The following SBF2 variants were observed in gnomAD, a reference collection of about 807,000 sequenced individuals.
The protein encoded by SBF2 is SET binding factor 2.
In SBF2, 112 loss-of-function variants were observed where a neutral mutation model predicts 225.2. The observed-to-expected ratio is 0.50, with a 90% CI of 0.43 to 0.58. The LOEUF is 0.58. Ranked by LOEUF, SBF2 falls within the 20% of genes least tolerant of loss-of-function variation. The pLI is 0.00. For synonymous variants in SBF2, 763 were observed against 773.3 expected, an observed-to-expected ratio of 0.99 and a Z score of 0.22; for missense variants, 1,996 against 2,206.2, an observed-to-expected ratio of 0.90 and a Z score of 1.91.
chr11:9,844,846 A>G (rs752641225), intron 24 of SBF2, among the ~76,000 whole-genome samples: 2 of 152,216 alleles, frequency 1.3e-5, no homozygotes, highest in Admixed American at 1.3e-4. Context: ...ACCATGGCAC[A>G]TGTATACCTA....
chr11:10,056,033 C>A (rs755664289), intron 2 of SBF2, among the ~76,000 whole-genome samples: 3 of 151,924 alleles, frequency 2.0e-5, no homozygotes, highest in Non-Finnish European at 2.9e-5. Flanking sequence ...TTTGAAAAAA[C>A]AAAACAGAAA....
chr11:10,194,061 T>C (rs1957278604), intron 1 of SBF2, 74 bp from the exon 2 acceptor site: 3 of 969,804 alleles, frequency 3.1e-6, no homozygotes, highest in African/African-American at 3.3e-5. Context: ...CTCTTACTTA[T>C]TTCTAAATGA....
At chr11:10,177,644 A>C (rs1956528875) in intron 2 of SBF2, among the ~76,000 whole-genome samples, 1 of 151,806 alleles carries the variant, frequency 6.6e-6, no homozygotes, top group Admixed American at 6.6e-5. Context: ...AGGGATGTGA[A>C]GGACCTCTCC....
intron 1 of SBF2, among the ~76,000 whole-genome samples, chr11:10,280,081 C>T (rs10734653): frequency 0.97 from 148,130 of 152,290 alleles, 72,196 homozygotes; most frequent in East Asian, 1. Context: ...ACTGGTTGAG[C>T]ATCCCTAATT....
chr11:10,290,347 C>G (rs1270843577), intron 1 of SBF2, among the ~76,000 whole-genome samples: 1 of 152,000 alleles, frequency 6.6e-6, no homozygotes, highest in Non-Finnish European at 1.5e-5. Context: ...GCAAAGGGCA[C>G]TGGGGTACAA....
chr11:10,154,819 T>C (rs576586270), intron 2 of SBF2, among the ~76,000 whole-genome samples: 9 of 152,268 alleles, frequency 5.9e-5, no homozygotes, highest in Admixed American at 5.9e-4. Context: ...ATCACCTTAA[T>C]CCAATCAGAG....
At position 10,217,661 on chromosome 11, in the gene SBF2, T is replaced by A. The variant is rs1958179893; in HGVS notation, c.56-23674A>T. 2.6e-5 allele frequency among the ~76,000 whole-genome samples: 4 copies of A among 152,324 alleles called. No individual in the cohort carries two copies. In the South Asian group the frequency reaches 6.2e-4, roughly 24 times the overall value. On this transcript the variant is annotated intron_variant, in intron 1 of 39. Coordinates refer to ENST00000256190, the MANE Select transcript of SBF2 (RefSeq NM_030962.4). The stretch of plus-strand genomic sequence containing the variant: ...TCTATCAGAGGCCAAACTGTGCTGC[T>A]ACTTCCTCATAATTTTTATGAGAGA...
chr11:10,010,485 TA>T (rs1259860562), intron 6 of SBF2, among the ~76,000 whole-genome samples: 4 of 152,240 alleles, frequency 2.6e-5, no homozygotes, highest in Non-Finnish European at 5.9e-5. Flanking sequence ...CACCATTTAT[TA>T]AATAGGGAAT....
At chr11:10,054,364 A>G (rs1428775974) in intron 2 of SBF2, among the ~76,000 whole-genome samples, 2 of 152,234 alleles carry the variant, frequency 1.3e-5, no homozygotes, top group African/African-American at 2.4e-5. Context: ...CTTTGACATC[A>G]GCAATAAGCA....
chr11:10,079,352 G>A (rs1397800039), intron 2 of SBF2, among the ~76,000 whole-genome samples: 1 of 152,144 alleles, frequency 6.6e-6, no homozygotes, highest in Non-Finnish European at 1.5e-5. Context: ...TACAGGATAT[G>A]ACTGAGAAAT....
intron 17 of SBF2, among the ~76,000 whole-genome samples, chr11:9,875,190 A>G (rs1859117514): frequency 1.3e-5 from 2 of 152,246 alleles, no homozygotes; most frequent in Non-Finnish European, 2.9e-5. Flanking sequence ...GCCAATAATT[A>G]TGCCTAGAAT....
chr11:10,131,098 T>C (rs961820293), intron 2 of SBF2, among the ~76,000 whole-genome samples: 8 of 152,162 alleles, frequency 5.3e-5, no homozygotes, highest in East Asian at 3.8e-4. Flanking sequence ...TTTTAAGAAA[T>C]TGCTAAACCG....
chr11:10,234,419 G>A (rs4909923), intron 1 of SBF2, among the ~76,000 whole-genome samples: 64,171 of 151,974 alleles, frequency 0.42, 14,292 homozygotes, highest in Non-Finnish European at 0.49. Flanking sequence ...TACATTTTGT[G>A]ATAACAATTT....
chr11:10,129,862 T>A (rs1953947081), intron 2 of SBF2, among the ~76,000 whole-genome samples: 1 of 151,536 alleles, frequency 6.6e-6, no homozygotes, highest in South Asian at 2.1e-4. Flanking sequence ...AAACAAACAT[T>A]AATGAGGTAT....
At chr11:10,050,013 A>G (rs1565173774) in intron 2 of SBF2, among the ~76,000 whole-genome samples, 1 of 152,304 alleles carries the variant, frequency 6.6e-6, no homozygotes, top group East Asian at 1.9e-4. Context: ...TACCACCACC[A>G]CAAACTGCCC....
chr11:10,241,632 T>C (rs940057848), intron 1 of SBF2, among the ~76,000 whole-genome samples: 1 of 152,062 alleles, frequency 6.6e-6, no homozygotes, highest in Non-Finnish European at 1.5e-5. Context: ...TAAAAAAGTA[T>C]ATTATGAACA....
intron 8 of SBF2, among the ~76,000 whole-genome samples, chr11:9,998,858 G>A (rs1947822925): frequency 6.6e-6 from 1 of 152,122 alleles, no homozygotes. Flanking sequence ...ATGAATGTTC[G>A]ATAACACTTT....
chr11:9,805,386 T>C (rs1287562599), intron 32 of SBF2, among the ~76,000 whole-genome samples: 3 of 152,164 alleles, frequency 2.0e-5, no homozygotes, highest in African/African-American at 7.2e-5. Context: ...TGTTGAGTAG[T>C]CGTCCACGGT....
chr11:10,264,565 ATTTTT>A (rs898040820), intron 1 of SBF2, among the ~76,000 whole-genome samples: 4 of 152,052 alleles, frequency 2.6e-5, no homozygotes, highest in African/African-American at 9.6e-5. Flanking sequence ...TACTTTATTT[ATTTTT>A]TTATTTTTGT....
Sources: gnomAD v4.1 joint callset for allele counts (sites outside exome capture counted in the v4.1 genomes callset) on GRCh38, gnomAD v4.1.1 for gene constraint, MANE v1.5 for transcripts, NCBI Gene and HGNC (gene_info 2026-07-23, HGNC 2026-07-21) for gene names.